The following GBP6 variants were observed in gnomAD, a reference collection of about 807,000 sequenced individuals.
GBP6 encodes guanylate-binding protein 6.
In GBP6, 54 loss-of-function variants were observed where a neutral mutation model predicts 61.5. The ratio of observed to expected loss-of-function variants is 0.88; its 90% CI spans 0.71 to 1.10. GBP6 has a LOEUF of 1.10. Ranked by LOEUF, GBP6 falls within the 50% of genes least tolerant of loss-of-function variation. The pLI is 0.00. For missense variants in GBP6, 748 were observed against 752.8 expected, an observed-to-expected ratio of 0.99 and a Z score of 0.07; for synonymous variants, 255 against 273.7, an observed-to-expected ratio of 0.93 and a Z score of 0.67.
chr1:89,368,761 A>G lies in GBP6; in HGVS notation c.190+20A>G. 1 of 1,600,274 alleles carries G rather than the reference A, an allele frequency of 6.2e-7. No homozygotes were observed. The highest frequency in any genetic ancestry group is 8.5e-7 in the Non-Finnish European group (1 of 1,169,958). ...ATCATGGTAAGTGGTATCCTGGGAC[A>G]CAGGCCAGTTGCTTGATTCCAGCTA... On this transcript the variant is annotated intron_variant, in intron 2 of 10. Coordinates refer to ENST00000370456, the MANE Select transcript of GBP6 (RefSeq NM_198460.3).
intron 8 of GBP6, among the ~76,000 whole-genome samples, chr1:89,383,242 T>A (rs1461067966): frequency 6.6e-6 from 1 of 152,094 alleles, no homozygotes. Flanking sequence ...ATTTTACAGA[T>A]CTGAACTTAG....
intron 3 of GBP6, among the ~76,000 whole-genome samples, chr1:89,377,686 T>G (rs1428156817): frequency 6.6e-6 from 1 of 152,228 alleles, no homozygotes; most frequent in Non-Finnish European, 1.5e-5. Flanking sequence ...TTCTTCAGTT[T>G]CCTATAAGTG....
intron 3 of GBP6, among the ~76,000 whole-genome samples, chr1:89,377,279 C>T (rs1296996269): frequency 1.3e-5 from 2 of 152,202 alleles, no homozygotes; most frequent in Non-Finnish European, 2.9e-5. Flanking sequence ...TCTGCTCAGT[C>T]AGGCCAATAA....
chr1:89,385,660 G>A lies in GBP6; in HGVS notation c.*191G>A, dbSNP rs895754729. The stretch of plus-strand genomic sequence containing the variant: ...GAGATTCACCTGCCTCAGCCCCCTA[G>A]TAGCTGGGATTATAGGTGTACACCA... On this transcript the variant is annotated 3_prime_UTR_variant, in exon 11 of 11. Coordinates refer to ENST00000370456, the MANE Select transcript of GBP6 (RefSeq NM_198460.3). 5 of 549,944 alleles carry A rather than the reference G, an allele frequency of 9.1e-6. No individual in the cohort carries two copies. Among genetic ancestry groups the A allele is most frequent in the Non-Finnish European group, 9.5e-6 (3 of 314,948 alleles). The allele number at this position is 549,944 out of a possible 1,614,324, so 34.1% of individuals were successfully genotyped here. A position where few individuals can be genotyped will look rare whatever the true frequency, so the allele number is the denominator to read the frequency against.
In GBP6 at chr1:89,378,629, C is replaced by A; in HGVS notation, c.625+16C>A. The A allele has an allele frequency of 6.2e-7, 1 of 1,600,914 alleles. No homozygotes were observed. The highest frequency in any genetic ancestry group is 8.5e-7 in the Non-Finnish European group (1 of 1,170,274). Reference sequence around the variant, plus strand: ...CTGATTCAAGGTATCAGAATGTGGCCTGGGCTGTGGGTGGTCCACTGGGTG... The same window carrying A: ...CTGATTCAAGGTATCAGAATGTGGCATGGGCTGTGGGTGGTCCACTGGGTG... On this transcript the variant is annotated intron_variant, in intron 5 of 10. Transcript: ENST00000370456.
chr1:89,382,052 A>G (rs1652996435), intron 7 of GBP6, 78 bp downstream of exon 7: 1 of 1,358,328 alleles, frequency 7.4e-7, no homozygotes, highest in Non-Finnish European at 1.0e-6. Context: ...ATTGTCACCA[A>G]TGCTCATCTG....
chr1:89,377,750 A>G (rs1652845744), intron 3 of GBP6, among the ~76,000 whole-genome samples: 1 of 152,214 alleles, frequency 6.6e-6, no homozygotes, highest in Non-Finnish European at 1.5e-5. Flanking sequence ...ATACTATGGT[A>G]TGGTTTTTAT....
In GBP6 at chr1:89,385,363, A is replaced by G; in HGVS notation, c.1796A>G (p.Asn599Ser). ...CCCTGGATTGCACGAACCTTGGACA[A>G]CCTTGCCGATGAGCTAACTGCAATA... ...DTPWIARTLD[N>S]LADELTAILS... Residue 599 changes from asparagine (N) to serine (S), a missense_variant, in exon 11 of 11, where the codon AAC (asparagine) becomes AGC (serine). By Grantham distance (46) the Asn-to-Ser change is conservative. Coordinates refer to ENST00000370456, the MANE Select transcript of GBP6 (RefSeq NM_198460.3). The G allele has an allele frequency of 1.2e-6, 2 of 1,614,186 alleles. No individual in the cohort carries two copies. The highest frequency in any genetic ancestry group is 8.5e-7 in the Non-Finnish European group (1 of 1,180,028).
In GBP6 at chr1:89,384,144, A is replaced by G. The variant is rs766521580; in HGVS notation, c.1520A>G (p.Gln507Arg). Residue 507 changes from glutamine (Q) to arginine (R), a missense_variant, in exon 10 of 11, where the codon CAG (glutamine) becomes CGG (arginine). Transcript: ENST00000370456. Reference protein sequence around the residue: ...AAEKEQELLKQKLQEQQQQME... With the variant: ...AAEKEQELLKRKLQEQQQQME... ...GAGAAGGAACAGGAACTTTTAAAACAGAAATTACAGGAGCAGCAGCAACAG... is the reference window on the plus strand; with the variant it reads ...GAGAAGGAACAGGAACTTTTAAAACGGAAATTACAGGAGCAGCAGCAACAG... 2.5e-6 allele frequency: 4 copies of G among 1,614,190 alleles called. No homozygotes were observed. Among genetic ancestry groups the G allele is most frequent in the South Asian group, 1.1e-5 (1 of 91,070 alleles).
chr1:89,380,330 G>T, intron 5 of GBP6, 56 bp from the exon 6 acceptor site: 1 of 1,526,262 alleles, frequency 6.6e-7, no homozygotes, highest in South Asian at 1.2e-5. Context: ...AATACCTTTA[G>T]CTCCCTTATA....
chr1:89,369,771 T>G (rs1652572620), intron 3 of GBP6, 98 bp downstream of exon 3: 1 of 1,434,594 alleles, frequency 7.0e-7, no homozygotes, highest in Admixed American at 2.4e-5. Flanking sequence ...AATCCAACTA[T>G]AGCAAATAAG....
chr1:89,374,575 C>A (rs1351762396), intron 3 of GBP6, among the ~76,000 whole-genome samples: 1 of 152,078 alleles, frequency 6.6e-6, no homozygotes, highest in Non-Finnish European at 1.5e-5. Flanking sequence ...ATTTTATATT[C>A]TTGCCGACAA....
intron 3 of GBP6, 62 bp downstream of exon 3, chr1:89,369,735 G>A: frequency 1.3e-6 from 2 of 1,539,786 alleles, no homozygotes; most frequent in Non-Finnish European, 1.8e-6. Flanking sequence ...TAATTAAACT[G>A]TTGTGATCTA....
rs1398475505 is a variant in GBP6, at chr1:89,378,566, C to T, written c.578C>T (p.Pro193Leu). The change falls in exon 5 of 11, where the codon CCT becomes CTT. Residue 193 changes from proline to leucine, a missense_variant. By Grantham distance (98) the Pro-to-Leu change is moderately conservative (BLOSUM62 -3). Transcript: ENST00000370456. ...CTGGAGCTGAAGTTGAACGGTCACC[C>T]TATCACAGAAGATGAATACCTGGAG... is the stretch of plus-strand genomic sequence containing the variant. Reference protein sequence around the residue: ...FTLELKLNGHPITEDEYLENA... With the variant: ...FTLELKLNGHLITEDEYLENA... 6 of 1,613,738 alleles carry T rather than the reference C, an allele frequency of 3.7e-6. No homozygotes were observed. Among genetic ancestry groups the T allele is most frequent in the Non-Finnish European group, 5.1e-6 (6 of 1,179,866 alleles).
chr1:89,368,950 C>A (rs1652542720), intron 2 of GBP6, among the ~76,000 whole-genome samples: 1 of 152,192 alleles, frequency 6.6e-6, no homozygotes, highest in Non-Finnish European at 1.5e-5. Context: ...CTCTACATTA[C>A]TAGTGCCCAG....
rs918962935 is a variant in GBP6, at chr1:89,387,624, G to C, written c.*2155G>C. 6.6e-6 allele frequency among the ~76,000 whole-genome samples: 1 copy of C among 152,104 alleles called. No individual in the cohort carries two copies. Among genetic ancestry groups the C allele is most frequent in the Non-Finnish European group, 1.5e-5 (1 of 68,010 alleles). On this transcript the variant is annotated 3_prime_UTR_variant, in exon 11 of 11. Coordinates refer to ENST00000370456, the MANE Select transcript of GBP6 (RefSeq NM_198460.3). ...TTTGAATTTTCGACACCAGATTAAG[G>C]TCTCTGAGGTGGTTTAAAGGCTATG...
chr1:89,371,340 T>G (rs1652635005), intron 3 of GBP6, among the ~76,000 whole-genome samples: 2 of 152,128 alleles, frequency 1.3e-5, no homozygotes, highest in Non-Finnish European at 2.9e-5. Flanking sequence ...TACCAAAGCC[T>G]GGCAGAGACA....
intron 1 of GBP6, among the ~76,000 whole-genome samples, chr1:89,366,835 C>G (rs987883228): frequency 6.6e-6 from 1 of 151,240 alleles, no homozygotes; most frequent in East Asian, 1.9e-4. Context: ...ATTCCCTCCT[C>G]CCCCAGCCCA....
intron 3 of GBP6, among the ~76,000 whole-genome samples, chr1:89,376,253 T>A (rs1409797669): frequency 6.6e-6 from 1 of 152,224 alleles, no homozygotes; most frequent in African/African-American, 2.4e-5. Flanking sequence ...AGTACAGCAA[T>A]AAATATAAAA....
Sources: gnomAD v4.1 joint callset for allele counts (sites outside exome capture counted in the v4.1 genomes callset) on GRCh38, gnomAD v4.1.1 for gene constraint, MANE v1.5 for transcripts, NCBI Gene and HGNC (gene_info 2026-07-23, HGNC 2026-07-21) for gene names.